RGS21: variants seen among roughly 807,000 people sequenced by gnomAD.
RGS21 encodes the protein regulator of G-protein signalling 21.
In RGS21, 19 loss-of-function variants were observed where a neutral mutation model predicts 18.7. That is an observed-to-expected ratio of 1.01 (90% CI 0.71 to 1.49). The LOEUF (loss-of-function observed/expected upper bound fraction) is 1.49. RGS21 is among the 40% of genes most tolerant of loss of function. The pLI is 0.00. For synonymous variants in RGS21, 56 were observed against 57.8 expected, an observed-to-expected ratio of 0.97 and a Z score of 0.14; for missense variants, 194 against 176.8, an observed-to-expected ratio of 1.10 and a Z score of -0.55.
At chr1:192,322,099 A>G (rs1023802629) in intron 1 of RGS21, among the ~76,000 whole-genome samples, 2 of 152,140 alleles carry the variant, frequency 1.3e-5, no homozygotes, top group African/African-American at 4.8e-5. Flanking sequence ...GCAGCTGATA[A>G]CTTCCAGGGA....
chr1:192,322,278 T>A (rs12061159), intron 1 of RGS21, among the ~76,000 whole-genome samples: 22,684 of 152,034 alleles, frequency 0.15, 1,787 homozygotes, highest in South Asian at 0.26. Context: ...AATCCTATCA[T>A]GGAAAGGATC....
chr1:192,362,764 T>A (rs569012967), intron 4 of RGS21, among the ~76,000 whole-genome samples: 1 of 152,276 alleles, frequency 6.6e-6, no homozygotes, highest in Non-Finnish European at 1.5e-5. Flanking sequence ...ATTTCAGTAA[T>A]AATATTAATT....
At chr1:192,354,492 A>T (rs141369390) in intron 4 of RGS21, among the ~76,000 whole-genome samples, 64 of 151,762 alleles carry the variant, frequency 4.2e-4, no homozygotes, top group African/African-American at 1.5e-3. Context: ...GGACTTGGGG[A>T]TGAGGTTGGA....
intron 1 of RGS21, among the ~76,000 whole-genome samples, chr1:192,323,189 T>A (rs1402635921): frequency 1.3e-5 from 2 of 152,168 alleles, no homozygotes; most frequent in East Asian, 3.8e-4. Context: ...GAAGAAAGTG[T>A]AGTCACTCCT....
chr1:192,331,047 T>A (rs965211394), intron 1 of RGS21, among the ~76,000 whole-genome samples: 1 of 152,174 alleles, frequency 6.6e-6, no homozygotes, highest in Non-Finnish European at 1.5e-5. Context: ...CTGAAACCTA[T>A]GGTTGATGTA....
At chr1:192,337,646 T>C (rs1465956920) in intron 1 of RGS21, among the ~76,000 whole-genome samples, 2 of 152,052 alleles carry the variant, frequency 1.3e-5, no homozygotes, top group Non-Finnish European at 2.9e-5. Context: ...GAGGGGTCAA[T>C]TAAGTGATTA....
intron 1 of RGS21, among the ~76,000 whole-genome samples, chr1:192,337,451 C>A (rs1039735862): frequency 6.6e-6 from 1 of 151,740 alleles, no homozygotes; most frequent in African/African-American, 2.4e-5. Context: ...TTAAAATACT[C>A]TTTTTAAAAT....
At chr1:192,334,909 A>C (rs192807579) in intron 1 of RGS21, among the ~76,000 whole-genome samples, 1 of 152,228 alleles carries the variant, frequency 6.6e-6, no homozygotes, top group East Asian at 1.9e-4. Flanking sequence ...CACTTATGTC[A>C]TTACAAAGCT....
At chr1:192,325,641 C>T (rs773168633) in intron 1 of RGS21, among the ~76,000 whole-genome samples, 1 of 152,036 alleles carries the variant, frequency 6.6e-6, no homozygotes, top group Non-Finnish European at 1.5e-5. Context: ...TTAATAATAG[C>T]CATTCTGACT....
chr1:192,337,377 G>T (rs1357805674), intron 1 of RGS21, among the ~76,000 whole-genome samples: 1 of 151,594 alleles, frequency 6.6e-6, no homozygotes, highest in African/African-American at 2.4e-5. Context: ...TTATTAAAAA[G>T]TTAATAAAAA....
At chr1:192,318,666 A>G (rs188724526) in intron 1 of RGS21, among the ~76,000 whole-genome samples, 86 of 152,218 alleles carry the variant, frequency 5.6e-4, no homozygotes, top group Admixed American at 2.2e-3. Flanking sequence ...CCATTCTAGT[A>G]CTTAAAATGA....
At chr1:192,343,084 A>G in intron 2 of RGS21, 37 bp downstream of exon 2, 1 of 1,600,362 alleles carries the variant, frequency 6.2e-7, no homozygotes, top group Non-Finnish European at 8.6e-7. Context: ...ATCTCAGAAG[A>G]TGTACAAATG....
chr1:192,355,495 T>C (rs1659097749), intron 4 of RGS21, among the ~76,000 whole-genome samples: 1 of 151,448 alleles, frequency 6.6e-6, no homozygotes. Flanking sequence ...AGTTGCTCAT[T>C]GAGTAAATTT....
rs556537765 is a variant in RGS21, at chr1:192,329,512, A to T, written c.-61+12407A>T. 2.4e-4 allele frequency among the ~76,000 whole-genome samples: 37 copies of T among 152,270 alleles called. No homozygotes were observed. In the South Asian group the frequency reaches 7.7e-3, roughly 31 times the overall value. ...TATTATTAAGAGAAAAGGGGCATCTATGTAAATTGTGACTTACATAAGAAA... is the reference window on the plus strand; with the variant it reads ...TATTATTAAGAGAAAAGGGGCATCTTTGTAAATTGTGACTTACATAAGAAA... On this transcript the variant is annotated intron_variant, in intron 1 of 4. Coordinates refer to ENST00000417209, the MANE Select transcript of RGS21 (RefSeq NM_001039152.3).
chr1:192,320,821 C>T (rs1658487809), intron 1 of RGS21, among the ~76,000 whole-genome samples: 2 of 151,948 alleles, frequency 1.3e-5, no homozygotes, highest in Non-Finnish European at 2.9e-5. Context: ...ATTTTTTCAG[C>T]TTGGCTGACC....
intron 1 of RGS21, among the ~76,000 whole-genome samples, chr1:192,318,854 T>C (rs1278612353): frequency 6.6e-6 from 1 of 152,082 alleles, no homozygotes; most frequent in Non-Finnish European, 1.5e-5. Flanking sequence ...TAGATATAAA[T>C]GAAAGATGGG....
chr1:192,355,082 G>T (rs1355362168), intron 4 of RGS21, among the ~76,000 whole-genome samples: 3 of 151,564 alleles, frequency 2.0e-5, no homozygotes, highest in Non-Finnish European at 3.0e-5. Flanking sequence ...AATTAACAGG[G>T]TGTTAGTATG....
intron 3 of RGS21, among the ~76,000 whole-genome samples, chr1:192,347,972 CTGTG>C (rs562560592): frequency 9.4e-5 from 14 of 148,304 alleles, no homozygotes; most frequent in Admixed American, 4.7e-4. Flanking sequence ...CCTAGGCTCG[CTGTG>C]TGTGTGTGTG....
chr1:192,336,453 T>TA (rs1658769868), intron 1 of RGS21, among the ~76,000 whole-genome samples: 1 of 151,972 alleles, frequency 6.6e-6, no homozygotes, highest in South Asian at 2.1e-4. Context: ...AAACCCCATC[T>TA]AAAAAATAAA....
Sources: allele counts gnomAD v4.1 joint callset (sites outside exome capture counted in the v4.1 genomes callset), GRCh38; gene constraint gnomAD v4.1.1; transcripts MANE v1.5; gene names NCBI Gene and HGNC (gene_info 2026-07-23, HGNC 2026-07-21).